Variants in MICU1 observed in about 807,000 individuals in gnomAD.
MICU1 encodes the protein calcium uptake protein 1, mitochondrial.
In MICU1, 45 loss-of-function variants were observed where a neutral mutation model predicts 56.8. The ratio of observed to expected loss-of-function variants is 0.79; its 90% CI spans 0.62 to 1.02. The LOEUF (loss-of-function observed/expected upper bound fraction) is 1.02, where lower values mean the gene tolerates loss of function less well. Ranked by LOEUF, MICU1 falls within the 50% of genes least tolerant of loss-of-function variation. The pLI is 0.00. For synonymous variants in MICU1, 186 were observed against 195.1 expected, an observed-to-expected ratio of 0.95 and a Z score of 0.39; for missense variants, 504 against 587.1, an observed-to-expected ratio of 0.86 and a Z score of 1.46.
intron 8 of MICU1, chr10:72,467,840 CAG>C (rs991911261): frequency 1.4e-5 from 2 of 143,630 alleles, no homozygotes; most frequent in Non-Finnish European, 3.0e-5. Context: ...TTTTTTGAGA[CAG>C]AGTTTCGCTC....
intron 4 of MICU1, among the ~76,000 whole-genome samples, chr10:72,534,195 CA>C (rs11297602): frequency 0.16 from 13,475 of 86,410 alleles, 1,094 homozygotes; most frequent in African/African-American, 0.31. Flanking sequence ...AATTAAACAC[CA>C]AAAAAAAAAA....
intron 2 of MICU1, among the ~76,000 whole-genome samples, chr10:72,563,920 T>C (rs144388232): frequency 3.7e-4 from 56 of 152,192 alleles, no homozygotes; most frequent in South Asian, 1.7e-3. Context: ...ATGGTTAAGA[T>C]GTAAGTTTTA....
At chr10:72,622,817 C>T (rs971230734) in intron 1 of MICU1, among the ~76,000 whole-genome samples, 2 of 152,048 alleles carry the variant, frequency 1.3e-5, no homozygotes, top group African/African-American at 2.4e-5. Context: ...AAATATTGCC[C>T]GTGTTTTCTT....
intron 6 of MICU1, chr10:72,477,655 T>C (rs1029602409): frequency 2.1e-6 from 2 of 959,034 alleles, no homozygotes; most frequent in African/African-American, 1.6e-5. Flanking sequence ...AAGTAAGAAG[T>C]TGAAACACTA....
rs189869010 is a variant in MICU1 at position 72,412,829 on chromosome 10, C to T, written c.1072-4792G>A. On this transcript the variant is annotated intron_variant, in intron 9 of 11. Coordinates refer to ENST00000361114, the MANE Select transcript of MICU1 (RefSeq NM_001195518.2). ...TTGCGCCATTGCACTCCAGCCTGGG[C>T]GACAAGAGCAAAACTCTGTCTCCAG... Among the ~76,000 whole-genome samples, 31 of 142,284 alleles carry T rather than the reference C, an allele frequency of 2.2e-4. No homozygotes were observed. In the East Asian group the frequency reaches 5.2e-3, roughly 24 times the overall value. 93.3% of individuals were successfully genotyped at this position (142,284 alleles called of 152,430 possible).
intron 4 of MICU1, among the ~76,000 whole-genome samples, chr10:72,540,826 T>C (rs1209798364): frequency 1.3e-5 from 2 of 152,234 alleles, no homozygotes; most frequent in East Asian, 3.8e-4. Context: ...GACATAAGCA[T>C]CCTTAAAATG....
At chr10:72,397,329 G>A (rs1863301638) in intron 10 of MICU1, among the ~76,000 whole-genome samples, 1 of 152,194 alleles carries the variant, frequency 6.6e-6, no homozygotes, top group East Asian at 1.9e-4. Context: ...TGCAAAAACA[G>A]GCCAAATTGC....
Position 72,368,089 on chromosome 10 carries a change from G to T in MICU1, c.*106C>A. The T allele has an allele frequency of 8.2e-7, 1 of 1,219,672 alleles. No homozygotes were observed. The highest frequency in any genetic ancestry group is 1.1e-6 in the Non-Finnish European group (1 of 876,294). The allele number at this position is 1,219,672 out of a possible 1,614,324, so 75.6% of individuals were successfully genotyped here. ...CAGAGTCCTGAGGTCATCCCGGGAGGAAGGGGGACTACTTCCAGAAGCAGC... is the reference window on the plus strand; with the variant it reads ...CAGAGTCCTGAGGTCATCCCGGGAGTAAGGGGGACTACTTCCAGAAGCAGC... On this transcript the variant is annotated 3_prime_UTR_variant, in exon 12 of 12. Transcript: ENST00000361114.
chr10:72,393,302 A>C (rs1863139669), intron 10 of MICU1, among the ~76,000 whole-genome samples: 1 of 152,198 alleles, frequency 6.6e-6, no homozygotes, highest in Non-Finnish European at 1.5e-5. Flanking sequence ...GGGAGTGATA[A>C]ATGCTATAAA....
chr10:72,509,645 C>A (rs964985174), intron 5 of MICU1, among the ~76,000 whole-genome samples: 9 of 152,200 alleles, frequency 5.9e-5, no homozygotes, highest in Non-Finnish European at 1.2e-4. Flanking sequence ...CTTAGAAGAA[C>A]TTTGCTGACT....
intron 6 of MICU1, among the ~76,000 whole-genome samples, chr10:72,481,357 T>C (rs1866288174): frequency 6.6e-6 from 1 of 152,220 alleles, no homozygotes; most frequent in East Asian, 1.9e-4. Flanking sequence ...TTCTAACTCA[T>C]AATCTGTTTC....
intron 1 of MICU1, among the ~76,000 whole-genome samples, chr10:72,592,348 C>T (rs1275871790): frequency 6.6e-6 from 1 of 151,974 alleles, no homozygotes. Context: ...ATTCTCCCAA[C>T]AAAGAAAATT....
intron 10 of MICU1, among the ~76,000 whole-genome samples, chr10:72,390,037 A>G (rs2132064304): frequency 6.6e-6 from 1 of 152,320 alleles, no homozygotes; most frequent in East Asian, 1.9e-4. Context: ...TCATGGAGAA[A>G]GGTTCTTTCT....
chr10:72,579,125 T>A (rs946670868), intron 1 of MICU1, among the ~76,000 whole-genome samples: 2 of 152,178 alleles, frequency 1.3e-5, no homozygotes, highest in Non-Finnish European at 2.9e-5. Context: ...TTAGTAAACA[T>A]CTTTCCTGAA....
chr10:72,526,644 G>A (rs1265699726), intron 5 of MICU1, among the ~76,000 whole-genome samples: 1 of 152,046 alleles, frequency 6.6e-6, no homozygotes, highest in Non-Finnish European at 1.5e-5. Flanking sequence ...ACTATAATGA[G>A]CAGCTCCATT....
chr10:72,532,952 A>G, intron 5 of MICU1: 1 of 1,228,256 alleles, frequency 8.1e-7, no homozygotes, highest in Non-Finnish European at 1.0e-6. Context: ...AGTTTTTACT[A>G]ACCCTGACCT....
At chr10:72,491,805 T>A (rs2082971332) in intron 6 of MICU1, among the ~76,000 whole-genome samples, 1 of 152,112 alleles carries the variant, frequency 6.6e-6, no homozygotes, top group South Asian at 2.1e-4. Context: ...TTTTTTTTAA[T>A]TTCTGCGTAC....
intron 6 of MICU1, 24 bp from the exon 7 acceptor site, chr10:72,477,280 T>C: frequency 2.0e-6 from 3 of 1,503,778 alleles, no homozygotes; most frequent in South Asian, 2.6e-5. Flanking sequence ...AAAAAAAATA[T>C]TTAGAAGGCA....
chr10:72,564,820 G>C (rs549089277), intron 2 of MICU1, among the ~76,000 whole-genome samples: 53 of 152,190 alleles, frequency 3.5e-4, no homozygotes, highest in Non-Finnish European at 6.6e-4. Context: ...GCATTCTTAG[G>C]ATGAAACTAC....
Sources: allele counts gnomAD v4.1 joint callset (sites outside exome capture counted in the v4.1 genomes callset), GRCh38; gene constraint gnomAD v4.1.1; transcripts MANE v1.5; gene names NCBI Gene and HGNC (gene_info 2026-07-23, HGNC 2026-07-21).